The following PAN3 variants were observed in gnomAD, a reference collection of about 807,000 sequenced individuals.
PAN3 encodes the protein PAN2-PAN3 deadenylation complex subunit PAN3.
Under a neutral mutation model 96.2 loss-of-function variants are expected in PAN3, and 19 were observed. The observed-to-expected ratio is 0.20, with a 90% confidence interval of 0.14 to 0.29. The LOEUF (loss-of-function observed/expected upper bound fraction) is 0.29, where lower values mean the gene tolerates loss of function less well. Ranked by LOEUF, PAN3 falls within the 10% of genes least tolerant of loss-of-function variation. The pLI is 1.00. For synonymous variants in PAN3, 433 were observed against 406.6 expected (o/e 1.06, Z -0.78); for missense variants, 882 against 1,108.1 (o/e 0.80, Z 2.90).
chr13:28,228,503 T>A (rs942922678), intron 6 of PAN3, among the ~76,000 whole-genome samples: 1 of 152,224 alleles, frequency 6.6e-6, no homozygotes, highest in African/African-American at 2.4e-5. Flanking sequence ...GTCACGAATC[T>A]CTTACATATT....
chr13:28,156,512 A>G (rs1459188287), intron 1 of PAN3, among the ~76,000 whole-genome samples: 1 of 152,258 alleles, frequency 6.6e-6, no homozygotes, highest in East Asian at 1.9e-4. Context: ...TGCTACTGAA[A>G]CTATTCAAAA....
intron 5 of PAN3, among the ~76,000 whole-genome samples, chr13:28,198,763 TACCAC>T (rs1176242683): frequency 6.6e-6 from 1 of 152,206 alleles, no homozygotes; most frequent in Non-Finnish European, 1.5e-5. Context: ...CACATGTACA[TACCAC>T]ACACAGAAAA....
chr13:28,262,574 A>G (rs1327951495), intron 9 of PAN3, among the ~76,000 whole-genome samples: 1 of 152,186 alleles, frequency 6.6e-6, no homozygotes, highest in South Asian at 2.1e-4. Context: ...TAACTGTTTA[A>G]TATTGTATTT....
chr13:28,150,214 C>T (rs1871191244), intron 1 of PAN3, among the ~76,000 whole-genome samples: 1 of 152,050 alleles, frequency 6.6e-6, no homozygotes, highest in African/African-American at 2.4e-5. Flanking sequence ...CTGAAGCCTC[C>T]TTGATACATG....
At position 28,147,297 on chromosome 13, in the gene PAN3, C is replaced by T. The variant is rs115883897; in HGVS notation, c.430+8210C>T. Among the ~76,000 whole-genome samples, 301 of 152,278 alleles carry T rather than the reference C, an allele frequency of 2.0e-3. 1 individual carries two copies. Among genetic ancestry groups the T allele is most frequent in the African/African-American group, 6.9e-3 (287 of 41,558 alleles). The stretch of plus-strand genomic sequence containing the variant: ...TCAGAATGTAGCCCCATCCATAAGT[C>T]TAAGGAATATCTAGATTTACGATGA... On this transcript the variant is annotated intron_variant, in intron 1 of 18. Coordinates refer to ENST00000380958, the MANE Select transcript of PAN3 (RefSeq NM_175854.8).
At chr13:28,155,040 T>G (rs1366798069) in intron 1 of PAN3, among the ~76,000 whole-genome samples, 1 of 150,208 alleles carries the variant, frequency 6.7e-6, no homozygotes, top group Non-Finnish European at 1.5e-5. Flanking sequence ...GTGGTCTCGA[T>G]CTCCTGACCT....
At position 28,293,584 on chromosome 13, in the gene PAN3, C is replaced by T. The variant is rs578150511; in HGVS notation, c.*1062C>T. On this transcript the variant is annotated 3_prime_UTR_variant, in exon 19 of 19. Coordinates refer to ENST00000380958, the MANE Select transcript of PAN3 (RefSeq NM_175854.8). ...TTACAGCCTGAATTTGGAGGGATAA[C>T]GATCTGCTGTGCCTTTGCAGTCACT... 2.6e-5 allele frequency: 4 copies of T among 152,406 alleles called. No individual in the cohort carries two copies. In the East Asian group the frequency reaches 5.8e-4, roughly 22 times the overall value. The allele number at this position is 152,406 out of a possible 1,614,324, so 9.4% of individuals were successfully genotyped here.
chr13:28,194,466 A>ATATATATATATATATTT (rs1429166016), intron 4 of PAN3, among the ~76,000 whole-genome samples: 1 of 122,132 alleles, frequency 8.2e-6, no homozygotes, highest in African/African-American at 3.6e-5. Context: ...ATATATATAT[A>ATATATATATATATATTT]TTTTTTTTTT....
intron 6 of PAN3, chr13:28,240,150 A>G (rs1007772663): frequency 1.0e-3 from 154 of 152,276 alleles, no homozygotes; most frequent in Middle Eastern, 3.4e-3. Flanking sequence ...CATGCTTTTT[A>G]GATAACTTTT....
At chr13:28,218,697 AG>A (rs1218802498) in intron 5 of PAN3, among the ~76,000 whole-genome samples, 1 of 152,168 alleles carries the variant, frequency 6.6e-6, no homozygotes, top group Non-Finnish European at 1.5e-5. Flanking sequence ...CAAAATAATA[AG>A]GTTAGAGAAA....
chr13:28,187,815 C>T (rs1408791789), intron 4 of PAN3, among the ~76,000 whole-genome samples: 1 of 152,110 alleles, frequency 6.6e-6, no homozygotes, highest in African/African-American at 2.4e-5. Context: ...GTCTCATCTA[C>T]CCAACTTAGC....
intron 5 of PAN3, among the ~76,000 whole-genome samples, chr13:28,203,807 C>T (rs999660228): frequency 2.0e-4 from 28 of 139,848 alleles, no homozygotes; most frequent in Non-Finnish European, 3.9e-4. Context: ...TTTTTCTTTT[C>T]TTTTTTTTTT....
chr13:28,189,167 G>T (rs1172843295), intron 4 of PAN3, among the ~76,000 whole-genome samples: 1 of 152,138 alleles, frequency 6.6e-6, no homozygotes, highest in Non-Finnish European at 1.5e-5. Flanking sequence ...TTATGAAGTG[G>T]GGCAAAGGTT....
intron 1 of PAN3, 95 bp downstream of exon 1, chr13:28,139,182 G>A: frequency 8.2e-7 from 1 of 1,215,404 alleles, no homozygotes; most frequent in Non-Finnish European, 1.0e-6. Context: ...CACGGCCCGC[G>A]GGCTCCCCCC....
chr13:28,197,051 A>T, intron 4 of PAN3, 134 bp from the exon 5 acceptor site: 2 of 1,096,522 alleles, frequency 1.8e-6, no homozygotes, highest in Non-Finnish European at 2.5e-6. Flanking sequence ...GGTGGTAAGG[A>T]TATTAGAAGG....
At position 28,220,347 on chromosome 13, in the gene PAN3, G is replaced by C; in HGVS notation, c.969G>C (p.Met323Ile). Residue 323 changes from methionine (M) to isoleucine (I), a missense_variant, in exon 6 of 19, where the codon ATG (methionine) becomes ATC (isoleucine). This residue lies in a region of PAN3 where 442 missense variants were observed against 422.8 expected (regional missense o/e 1.05). Coordinates refer to ENST00000380958, the MANE Select transcript of PAN3 (RefSeq NM_175854.8). ...AFSQVFSHPSMGSPATAGLAP... is the reference protein window; with the variant it reads ...AFSQVFSHPSIGSPATAGLAP... ...CTCAAGTTTTCTCTCACCCATCCAT[G>C]GGAAGCCCTGCTACTGCTGGATTAG... The C allele has an allele frequency of 6.2e-7, 1 of 1,613,638 alleles. No homozygotes were observed. Among genetic ancestry groups the C allele is most frequent in the South Asian group, 1.1e-5 (1 of 91,032 alleles).
chr13:28,291,099 ATAAAT>A (rs1471191317), intron 18 of PAN3, among the ~76,000 whole-genome samples: 4 of 152,168 alleles, frequency 2.6e-5, no homozygotes, highest in Non-Finnish European at 4.4e-5. Flanking sequence ...AAAGAGTGTG[ATAAAT>A]TAAAAGGGAA....
chr13:28,229,833 T>C (rs980497045), intron 6 of PAN3, among the ~76,000 whole-genome samples: 3 of 152,130 alleles, frequency 2.0e-5, no homozygotes, highest in Non-Finnish European at 4.4e-5. Context: ...ATCCCCAGAG[T>C]TTCTGATTTA....
intron 9 of PAN3, among the ~76,000 whole-genome samples, chr13:28,266,267 G>T (rs1019508772): frequency 1.3e-5 from 2 of 152,060 alleles, no homozygotes; most frequent in Non-Finnish European, 2.9e-5. Flanking sequence ...TGAGCATTCC[G>T]AAGTCATTCG....
Sources: allele counts gnomAD v4.1 joint callset (sites outside exome capture counted in the v4.1 genomes callset), GRCh38; gene constraint gnomAD v4.1.1; regional missense constraint gnomAD v4.1.1; transcripts MANE v1.5; gene names NCBI Gene and HGNC (gene_info 2026-07-23, HGNC 2026-07-21).